The following SCN10A variants were observed in gnomAD, a reference collection of about 807,000 sequenced individuals.
SCN10A encodes the protein sodium channel protein type 10 subunit alpha.
Under a neutral mutation model 170.7 loss-of-function variants are expected in SCN10A, and 162 were observed. That is an observed-to-expected ratio of 0.95 (90% CI 0.84 to 1.08). The LOEUF (loss-of-function observed/expected upper bound fraction) is 1.08. SCN10A is among the 50% of genes least tolerant of loss of function. SCN10A has a pLI of 0.00. For synonymous variants in SCN10A, 985 were observed against 904.6 expected, an observed-to-expected ratio of 1.09 and a Z score of -1.59; for missense variants, 2,527 against 2,436.9, an observed-to-expected ratio of 1.04 and a Z score of -0.78.
chr3:38,763,611 G>C lies in SCN10A; in HGVS notation c.600-15C>G, dbSNP rs759332513. The C allele has an allele frequency of 6.2e-7, 1 of 1,601,230 alleles. No individual in the cohort carries two copies. The highest frequency in any genetic ancestry group is 1.3e-5 in the African/African-American group (1 of 74,724). On this transcript the variant is annotated splice_polypyrimidine_tract_variant and intron_variant, in intron 5 of 27. Transcript: ENST00000449082. ...TGCCAACATATCTGTAGGACCAGAA[G>C]TTAGTCAGCATCTCTGCAAGCAAGG...
At chr3:38,796,580 C>T (rs1042624370) in intron 1 of SCN10A, among the ~76,000 whole-genome samples, 1 of 152,218 alleles carries the variant, frequency 6.6e-6, no homozygotes, top group Non-Finnish European at 1.5e-5. Context: ...CCCAGCCACA[C>T]TACTTTTATA....
At chr3:38,749,776 C>T (rs769547374) in intron 13 of SCN10A, among the ~76,000 whole-genome samples, 4 of 152,162 alleles carry the variant, frequency 2.6e-5, no homozygotes, top group Non-Finnish European at 4.4e-5. Flanking sequence ...TTCTCTGATG[C>T]CTGCCAGATC....
chr3:38,702,790 T>A (rs2063170350), intron 26 of SCN10A, among the ~76,000 whole-genome samples: 1 of 152,202 alleles, frequency 6.6e-6, no homozygotes, highest in South Asian at 2.1e-4. Context: ...GTCTTGGTTG[T>A]TTGCATCTTG....
chr3:38,744,718 G>A (rs914461511), intron 13 of SCN10A, among the ~76,000 whole-genome samples: 2 of 151,236 alleles, frequency 1.3e-5, no homozygotes, highest in African/African-American at 2.4e-5. Context: ...ATATTGATGT[G>A]GTTTATTTTT....
intron 4 of SCN10A, among the ~76,000 whole-genome samples, chr3:38,772,333 A>T (rs2064011674): frequency 6.6e-6 from 1 of 151,672 alleles, no homozygotes; most frequent in Non-Finnish European, 1.5e-5. Flanking sequence ...AAAAAAAAAA[A>T]AAAAAGAAAA....
intron 1 of SCN10A, among the ~76,000 whole-genome samples, chr3:38,815,254 C>T (rs4676478): frequency 0.47 from 71,357 of 152,028 alleles, 18,379 homozygotes; most frequent in African/African-American, 0.69. Flanking sequence ...ACACTGAAGG[C>T]TGAATAATAC....
intron 1 of SCN10A, among the ~76,000 whole-genome samples, chr3:38,799,214 G>A (rs1024598153): frequency 6.6e-6 from 1 of 152,120 alleles, no homozygotes; most frequent in Non-Finnish European, 1.5e-5. Context: ...TAGCTATAGG[G>A]CCAATGCTTT....
intron 23 of SCN10A, among the ~76,000 whole-genome samples, chr3:38,711,905 G>C (rs889201785): frequency 6.6e-6 from 1 of 152,226 alleles, no homozygotes. Context: ...CTCACCACCT[G>C]ATAATCCCAT....
At chr3:38,772,829 A>G (rs1023753967) in intron 4 of SCN10A, among the ~76,000 whole-genome samples, 1 of 152,236 alleles carries the variant, frequency 6.6e-6, no homozygotes, top group Non-Finnish European at 1.5e-5. Flanking sequence ...TGTAAAAAGT[A>G]CCTTCAAAGA....
chr3:38,798,794 T>TTTC (rs1476784339), intron 1 of SCN10A, among the ~76,000 whole-genome samples: 2 of 144,390 alleles, frequency 1.4e-5, no homozygotes, highest in Non-Finnish European at 3.0e-5. Context: ...TCCTTTTTTT[T>TTTC]TTTTTTTTTT....
chr3:38,764,605 T>G (rs1456099711), intron 5 of SCN10A, among the ~76,000 whole-genome samples: 7 of 152,234 alleles, frequency 4.6e-5, no homozygotes, highest in Non-Finnish European at 1.0e-4. Flanking sequence ...ATTTTCTTTA[T>G]GCACTTGTTG....
chr3:38,701,539 CAGG>C (rs1344569389), intron 27 of SCN10A, among the ~76,000 whole-genome samples: 5 of 152,310 alleles, frequency 3.3e-5, no homozygotes, highest in African/African-American at 9.6e-5. Context: ...CTGAGGTTCT[CAGG>C]AGGAGTGATT....
intron 1 of SCN10A, among the ~76,000 whole-genome samples, chr3:38,815,533 C>T (rs2064469277): frequency 6.6e-6 from 1 of 152,134 alleles, no homozygotes; most frequent in African/African-American, 2.4e-5. Context: ...TAACTTGTTG[C>T]CTTGAGTTTA....
At chr3:38,783,182 G>A (rs551638849) in intron 4 of SCN10A, among the ~76,000 whole-genome samples, 1 of 152,048 alleles carries the variant, frequency 6.6e-6, no homozygotes, top group Admixed American at 6.6e-5. Context: ...AACATGGGGG[G>A]TTTGTTTCAA....
chr3:38,720,045 C>A (rs1275004636), intron 20 of SCN10A, among the ~76,000 whole-genome samples: 2 of 152,240 alleles, frequency 1.3e-5, no homozygotes, highest in Non-Finnish European at 2.9e-5. Context: ...GTCTTCTTTG[C>A]CTCAAGGTGG....
At chr3:38,783,287 TC>T (rs2064160588) in intron 4 of SCN10A, among the ~76,000 whole-genome samples, 1 of 152,090 alleles carries the variant, frequency 6.6e-6, no homozygotes, top group Non-Finnish European at 1.5e-5. Context: ...CTTCACCAGC[TC>T]CTTCCCAATT....
intron 26 of SCN10A, among the ~76,000 whole-genome samples, chr3:38,702,611 A>G (rs1223108492): frequency 6.6e-6 from 1 of 152,240 alleles, no homozygotes; most frequent in Non-Finnish European, 1.5e-5. Flanking sequence ...GTTTCCCTGC[A>G]GTGCCCTGCA....
chr3:38,802,351 T>G (rs984616485), intron 1 of SCN10A, among the ~76,000 whole-genome samples: 3 of 152,204 alleles, frequency 2.0e-5, no homozygotes, highest in African/African-American at 7.2e-5. Context: ...GTCTTTCACT[T>G]GCATTCCAAA....
intron 19 of SCN10A, 112 bp from the exon 20 acceptor site, chr3:38,722,524 G>A: frequency 7.7e-7 from 1 of 1,306,412 alleles, no homozygotes; most frequent in Non-Finnish European, 1.1e-6. Context: ...CATGCCCTTG[G>A]AAAAAAATTC....
Sources: allele counts gnomAD v4.1 joint callset (sites outside exome capture counted in the v4.1 genomes callset), GRCh38; gene constraint gnomAD v4.1.1; transcripts MANE v1.5; gene names NCBI Gene and HGNC (gene_info 2026-07-23, HGNC 2026-07-21).